Variants in BMPR1A observed in about 807,000 individuals in gnomAD.
BMPR1A encodes the protein bone morphogenetic protein receptor type-1A.
In BMPR1A, 7 loss-of-function variants were observed where a neutral mutation model predicts 66.0. The ratio of observed to expected loss-of-function variants is 0.11; its 90% CI spans 0.06 to 0.20. The LOEUF (loss-of-function observed/expected upper bound fraction) is 0.20. Ranked by LOEUF, BMPR1A falls within the 10% of genes least tolerant of loss-of-function variation. The pLI is 1.00. For missense variants in BMPR1A, 408 were observed against 669.1 expected (o/e 0.61, Z 4.31); for synonymous variants, 200 against 229.7 (o/e 0.87, Z 1.17).
At chr10:86,821,682 A>G (rs918665447) in intron 1 of BMPR1A, among the ~76,000 whole-genome samples, 1 of 152,164 alleles carries the variant, frequency 6.6e-6, no homozygotes, top group Non-Finnish European at 1.5e-5. Flanking sequence ...GTGAATAACA[A>G]TATGATCATG....
intron 1 of BMPR1A, among the ~76,000 whole-genome samples, chr10:86,800,121 T>C (rs906709458): frequency 2.6e-5 from 4 of 152,152 alleles, no homozygotes; most frequent in Admixed American, 6.5e-5. Context: ...TTTTAAAAAT[T>C]AGTGGCCAAC....
intron 3 of BMPR1A, among the ~76,000 whole-genome samples, chr10:86,881,311 G>T (rs1842982334): frequency 1.3e-5 from 2 of 152,178 alleles, no homozygotes; most frequent in Admixed American, 1.3e-4. Flanking sequence ...TTGAAAACTG[G>T]TAAATAGAGG....
intron 2 of BMPR1A, among the ~76,000 whole-genome samples, chr10:86,839,618 A>G (rs115340944): frequency 0.012 from 1,694 of 146,446 alleles, 35 homozygotes; most frequent in African/African-American, 0.04. Context: ...AAAAAAGATT[A>G]TATTGAAAAA....
intron 1 of BMPR1A, among the ~76,000 whole-genome samples, chr10:86,778,652 A>G (rs967846417): frequency 1.3e-5 from 2 of 152,152 alleles, no homozygotes; most frequent in African/African-American, 2.4e-5. Context: ...ATTGTTCACT[A>G]TAGCCTTCCT....
chr10:86,807,717 T>C (rs1349207317), intron 1 of BMPR1A, among the ~76,000 whole-genome samples: 1 of 152,206 alleles, frequency 6.6e-6, no homozygotes, highest in African/African-American at 2.4e-5. Flanking sequence ...TAATCTGTTT[T>C]GACAGTGCAT....
At chr10:86,783,629 C>T (rs1841469840) in intron 1 of BMPR1A, among the ~76,000 whole-genome samples, 1 of 152,170 alleles carries the variant, frequency 6.6e-6, no homozygotes, top group Non-Finnish European at 1.5e-5. Context: ...CGTTCTGTCA[C>T]CCAGGTTGGA....
chr10:86,837,511 A>G (rs1589739836), intron 1 of BMPR1A, among the ~76,000 whole-genome samples: 1 of 150,872 alleles, frequency 6.6e-6, no homozygotes, highest in African/African-American at 2.4e-5. Flanking sequence ...TTGGCAAAGA[A>G]TGGCTTTGGA....
intron 7 of BMPR1A, among the ~76,000 whole-genome samples, chr10:86,907,255 A>T (rs1843408951): frequency 6.6e-6 from 1 of 152,234 alleles, no homozygotes. Context: ...GTTGTACATC[A>T]TGTTAAGAAT....
intron 1 of BMPR1A, among the ~76,000 whole-genome samples, chr10:86,771,477 G>C (rs975591577): frequency 6.6e-6 from 1 of 152,130 alleles, no homozygotes; most frequent in African/African-American, 2.4e-5. Context: ...ACTATTATCA[G>C]TTCCCTTTTA....
chr10:86,812,012 T>G (rs1330962759), intron 1 of BMPR1A, among the ~76,000 whole-genome samples: 2 of 151,680 alleles, frequency 1.3e-5, no homozygotes, highest in African/African-American at 4.8e-5. Context: ...GCCCAGGAAT[T>G]TGAGGGTTGT....
chr10:86,846,698 C>T (rs947830393), intron 2 of BMPR1A, among the ~76,000 whole-genome samples: 15 of 152,016 alleles, frequency 9.9e-5, no homozygotes, highest in African/African-American at 3.4e-4. Context: ...AAGACTCTGT[C>T]CCCCGCCGCC....
At chr10:86,761,278 A>T (rs1841052255) in intron 1 of BMPR1A, among the ~76,000 whole-genome samples, 1 of 152,094 alleles carries the variant, frequency 6.6e-6, no homozygotes, top group Non-Finnish European at 1.5e-5. Flanking sequence ...GATGTTGTAG[A>T]CTTTGTTACT....
chr10:86,770,725 G>A (rs1282257274), intron 1 of BMPR1A, among the ~76,000 whole-genome samples: 1 of 152,284 alleles, frequency 6.6e-6, no homozygotes, highest in South Asian at 2.1e-4. Context: ...GAAGATTAAC[G>A]TTTTAAACTG....
chr10:86,887,669 A>G (rs973037861), intron 3 of BMPR1A, among the ~76,000 whole-genome samples: 1 of 152,188 alleles, frequency 6.6e-6, no homozygotes, highest in Non-Finnish European at 1.5e-5. Flanking sequence ...CTGCCACACT[A>G]AACTGCTTTT....
At chr10:86,835,043 A>T (rs1320219597) in intron 1 of BMPR1A, among the ~76,000 whole-genome samples, 1 of 151,946 alleles carries the variant, frequency 6.6e-6, no homozygotes, top group African/African-American at 2.4e-5. Context: ...AATTCTAAGA[A>T]TTCCATTACA....
rs566753647 is a variant in BMPR1A, at chr10:86,917,860, G to T, written c.868+534G>T. On this transcript the variant is annotated intron_variant, in intron 9 of 12. Coordinates refer to ENST00000372037, the MANE Select transcript of BMPR1A (RefSeq NM_004329.3). Reference sequence around the variant, plus strand: ...CTTTAATTTGGAGAGCCCATAGCATGTTGCCAAGCAGGCAATTGTATTAGT... The same window carrying T: ...CTTTAATTTGGAGAGCCCATAGCATTTTGCCAAGCAGGCAATTGTATTAGT... 6.6e-5 allele frequency among the ~76,000 whole-genome samples: 10 copies of T among 152,280 alleles called. No individual in the cohort carries two copies. In the South Asian group the frequency reaches 2.1e-3, roughly 32 times the overall value.
intron 3 of BMPR1A, among the ~76,000 whole-genome samples, chr10:86,885,786 G>A (rs1201320227): frequency 2.0e-5 from 3 of 152,180 alleles, no homozygotes; most frequent in African/African-American, 7.2e-5. Flanking sequence ...TCTGAGTTCT[G>A]TTGTAGACAT....
chr10:86,904,648 A>G (rs909884073), intron 7 of BMPR1A, among the ~76,000 whole-genome samples: 3 of 152,198 alleles, frequency 2.0e-5, no homozygotes, highest in Non-Finnish European at 2.9e-5. Context: ...AAGAATCCAC[A>G]TAAAAGAATG....
rs187409435 is a variant in BMPR1A at position 86,822,462 on chromosome 10, A to G, written c.-267-16403A>G. On this transcript the variant is annotated intron_variant, in intron 1 of 12. Coordinates refer to ENST00000372037, the MANE Select transcript of BMPR1A (RefSeq NM_004329.3). ...ACAACCATTATCACAGTCATGGGCA[A>G]TTGGTTCAGGATTTGGGAAGAAAAC... Among the ~76,000 whole-genome samples the G allele has an allele frequency of 5.9e-5, 9 of 152,258 alleles. No individual in the cohort carries two copies. The East Asian group carries it at 1.4e-3, about 23-fold the overall frequency.
Sources: gnomAD v4.1 joint callset for allele counts (sites outside exome capture counted in the v4.1 genomes callset) on GRCh38, gnomAD v4.1.1 for gene constraint, MANE v1.5 for transcripts, NCBI Gene and HGNC (gene_info 2026-07-23, HGNC 2026-07-21) for gene names.